Variants in NR1H3 observed in about 807,000 individuals in gnomAD.
NR1H3 encodes the protein nuclear receptor subfamily 1 group H member 3, also known as oxysterols receptor LXR-alpha.
Under a neutral mutation model 48.1 loss-of-function variants are expected in NR1H3, and 19 were observed. The observed-to-expected ratio is 0.40, with a 90% CI of 0.28 to 0.58. NR1H3 has a LOEUF of 0.58. Among genes scored for constraint, NR1H3 ranks in the 20% least tolerant of loss-of-function variants. The pLI is 0.50. For missense variants in NR1H3, 486 were observed against 595.9 expected (o/e 0.82, Z 1.92); for synonymous variants, 232 against 227.3 (o/e 1.02, Z -0.19).
At chr11:47,262,738 T>A (rs529286183) in intron 7 of NR1H3, among the ~76,000 whole-genome samples, 92 of 151,810 alleles carry the variant, frequency 6.1e-4, no homozygotes, top group African/African-American at 2.2e-3. Context: ...CTTGAACTCC[T>A]GACCTTAAGT....
chr11:47,263,224 C>T (rs957844220), intron 7 of NR1H3, among the ~76,000 whole-genome samples: 8 of 151,086 alleles, frequency 5.3e-5, no homozygotes, highest in Non-Finnish European at 1.2e-4. Flanking sequence ...ACAAATCTTC[C>T]TCACATGTGC....
At chr11:47,259,418 C>T (rs1429657352) in intron 2 of NR1H3, 159 bp downstream of exon 2, 2 of 1,565,680 alleles carry the variant, frequency 1.3e-6, no homozygotes, top group Non-Finnish European at 8.7e-7. Flanking sequence ...CACCTCTCCC[C>T]TGGTTCCAGT....
Position 47,268,671 on chromosome 11 carries a change from C to CT in NR1H3, c.1320dup (p.Glu441Ter). On this transcript the variant is annotated frameshift_variant, in exon 10 of 10. Transcript: ENST00000441012. LOFTEE classifies it high-confidence loss of function. ...GACAAAAAGCTCCCACCGCTGCTCT[C>CT]TGAGATCTGGGATGTGCACGAATGA... 6.2e-7 allele frequency: 1 copy of CT among 1,614,180 alleles called. No homozygotes were observed. The highest frequency in any genetic ancestry group is 8.5e-7 in the Non-Finnish European group (1 of 1,180,048).
At chr11:47,260,120 TC>T (rs1200379990) in intron 3 of NR1H3, 141 bp downstream of exon 3, 2 of 853,078 alleles carry the variant, frequency 2.3e-6, no homozygotes, top group Non-Finnish European at 3.5e-6. Context: ...ATCTGACTGA[TC>T]TAAGTGTGAA....
At chr11:47,258,297 G>GACCTCCTCCCCT in intron 1 of NR1H3, 168 bp downstream of exon 1, 3 of 675,642 alleles carry the variant, frequency 4.4e-6, no homozygotes, top group Non-Finnish European at 5.5e-6. Context: ...AACTCATGAG[G>GACCTCCTCCCCT]GGCTCAGGGG....
At chr11:47,268,163 A>C (rs2135732992) in intron 8 of NR1H3, 98 bp from the exon 9 acceptor site, 1 of 1,268,424 alleles carries the variant, frequency 7.9e-7, no homozygotes, top group South Asian at 1.2e-5. Context: ...AGGATGAGAG[A>C]GCTTGGCTGG....
chr11:47,255,591 T>C (rs200015651), upstream of NR1H3, among the ~76,000 whole-genome samples: 986 of 59,140 alleles, frequency 0.017, 7 homozygotes, highest in African/African-American at 0.052. Context: ...CTTTCTTTCT[T>C]TCTTTCTCTC....
At chr11:47,265,884 T>TA (rs1312360708) in intron 7 of NR1H3, among the ~76,000 whole-genome samples, 1 of 152,012 alleles carries the variant, frequency 6.6e-6, no homozygotes, top group Non-Finnish European at 1.5e-5. Context: ...AAAAAAATTT[T>TA]TTTATTTATT....
At chr11:47,248,762 G>A (rs41275182), upstream of NR1H3, 3,773 of 1,601,376 alleles carry the variant, frequency 2.4e-3, 5 homozygotes, top group Non-Finnish European at 2.7e-3. Flanking sequence ...AGAGCCGCCC[G>A]GCTCCAGCCG....
At chr11:47,248,442 G>A (rs960546885), upstream of NR1H3, 24 of 1,542,614 alleles carry the variant, frequency 1.6e-5, 1 homozygote, top group Middle Eastern at 1.7e-4. Context: ...TTAGGGATGA[G>A]TCTTAACCAT....
chr11:47,259,474 TG>T, intron 2 of NR1H3: 2 of 1,549,578 alleles, frequency 1.3e-6, no homozygotes, highest in Non-Finnish European at 8.7e-7. Flanking sequence ...AGTCTGGATT[TG>T]CTGCTAGAGA....
rs763056157 is a variant in NR1H3, at chr11:47,261,264, C to T, written c.523C>T (p.Arg175Cys). 6.8e-6 allele frequency: 11 copies of T among 1,613,454 alleles called. No homozygotes were observed. In the East Asian group the frequency reaches 1.3e-4, roughly 20 times the overall value. ...EECVLSEEQI[R>C]LKKLKRQEEE... is the part of the protein sequence containing the mutation. ...AGGTGTCCTGTCAGAAGAACAGATC[C>T]GCCTGAAGAAACTGAAGCGGCAAGA... Residue 175 changes from arginine to cysteine, a missense_variant, in exon 5 of 10, where the codon CGC (arginine) becomes TGC (cysteine). Transcript: ENST00000441012.
upstream of NR1H3, among the ~76,000 whole-genome samples, chr11:47,255,822 C>T (rs1955120875): frequency 6.6e-6 from 1 of 150,468 alleles, no homozygotes; most frequent in Admixed American, 6.6e-5. Flanking sequence ...AATGCATCAT[C>T]ACACCCGGCT....
chr11:47,267,873 G>A (rs753824797), intron 7 of NR1H3, 40 bp from the exon 8 acceptor site: 33 of 1,404,714 alleles, frequency 2.3e-5, no homozygotes, highest in Non-Finnish European at 3.2e-5. Context: ...AGTTCCTGCT[G>A]CTCCTGCTGC....
chr11:47,267,669 C>T (rs990815777), intron 7 of NR1H3, among the ~76,000 whole-genome samples: 8 of 152,150 alleles, frequency 5.3e-5, no homozygotes, highest in South Asian at 4.1e-4. Context: ...CCACCACGCC[C>T]GGCTAGTTTT....
At chr11:47,261,892 C>T (rs765883323) in intron 6 of NR1H3, 27 bp from the exon 7 acceptor site, 30 of 1,607,994 alleles carry the variant, frequency 1.9e-5, no homozygotes, top group South Asian at 6.6e-5. Context: ...TCCTAGTCCC[C>T]GTTTGAGGTT....
chr11:47,254,924 CTT>C (rs1954951247), upstream of NR1H3, among the ~76,000 whole-genome samples: 1 of 152,214 alleles, frequency 6.6e-6, no homozygotes, highest in Non-Finnish European at 1.5e-5. Context: ...GTTTCGGTCT[CTT>C]TGGCTGCTTG....
chr11:47,249,026 G>T, intron 1 of NR1H3: 3 of 1,467,106 alleles, frequency 2.0e-6, no homozygotes, highest in Non-Finnish European at 2.7e-6. Context: ...CGGCAGACAG[G>T]GCTCGAAGAC....
chr11:47,255,607 CTCTCTCTCTCTT>C (rs1565178754), upstream of NR1H3, among the ~76,000 whole-genome samples: 14 of 119,942 alleles, frequency 1.2e-4, 1 homozygote, highest in Middle Eastern at 0.011. Context: ...CTCTCTCTCT[CTCTCTCTCTCTT>C]TCTTTCTTTC....
Sources: allele counts gnomAD v4.1 joint callset (sites outside exome capture counted in the v4.1 genomes callset), GRCh38; gene constraint gnomAD v4.1.1; transcripts MANE v1.5; gene names NCBI Gene and HGNC (gene_info 2026-07-23, HGNC 2026-07-21).